PRDM15: variants seen among roughly 807,000 people sequenced by gnomAD.
The protein encoded by PRDM15 is PR domain zinc finger protein 15.
Under a neutral mutation model 128.6 loss-of-function variants are expected in PRDM15, and 64 were observed. That is an observed-to-expected ratio of 0.50 (90% CI 0.41 to 0.61). The LOEUF (loss-of-function observed/expected upper bound fraction) is 0.61. Ranked by LOEUF, PRDM15 falls within the 20% of genes least tolerant of loss-of-function variation. The pLI, the probability that PRDM15 is intolerant of heterozygous loss-of-function variation, is 0.00. For missense variants in PRDM15, 1,242 were observed against 1,569.1 expected (o/e 0.79, Z 3.52); for synonymous variants, 615 against 621.8 (o/e 0.99, Z 0.16).
chr21:41,850,961 G>T, intron 5 of PRDM15, among the ~76,000 whole-genome samples: 1 of 152,274 alleles, frequency 6.6e-6, no homozygotes, highest in South Asian at 2.1e-4. Context: ...TGAGTCTTAG[G>T]ATCTCTCACG....
At chr21:41,848,736 A>T (rs6586292) in intron 5 of PRDM15, among the ~76,000 whole-genome samples, 1 of 152,206 alleles carries the variant, frequency 6.6e-6, no homozygotes, top group Admixed American at 6.5e-5. Flanking sequence ...ACACCCCCAC[A>T]AGTGTGGGTT....
Position 41,821,310 on chromosome 21 carries a change from A to C in PRDM15, c.1897-80T>G. ...CTTAGCTAATGAGGTCGTGTCCACA[A>C]ACCAGGGCACCCGACACGCCCTGAG... On this transcript the variant is annotated intron_variant, in intron 15 of 23. Transcript: ENST00000398548. This position sits in a 1 kb window ranked among gnomAD's most constrained non-coding sequence, Gnocchi z 5.4. 1.3e-6 allele frequency: 2 copies of C among 1,538,622 alleles called. No homozygotes were observed. The highest frequency in any genetic ancestry group is 1.7e-5 in the Admixed American group (1 of 57,660).
rs139054091 is a variant in PRDM15 at position 41,839,738 on chromosome 21, G to C, written c.756C>G (p.Pro252=). 1.1e-5 allele frequency: 17 copies of C among 1,614,068 alleles called. No homozygotes were observed. Among genetic ancestry groups the C allele is most frequent in the Non-Finnish European group, 1.4e-5 (17 of 1,180,042 alleles). ...DTPRGEPPAV[P]ESENVATKEQ... ...CTTTGGTGGCAACATTCTCGCTCTC[G>C]GGCACTGCAGGGGGTTCCCCCCGGG... Residue 252 remains proline (P), a synonymous_variant, in exon 7 of 24, where the codon CCC becomes CCG. Transcript: ENST00000398548.
chr21:41,822,760 C>T (rs2062324307), intron 14 of PRDM15, among the ~76,000 whole-genome samples: 1 of 152,132 alleles, frequency 6.6e-6, no homozygotes, highest in African/African-American at 2.4e-5. Flanking sequence ...TGGGGTGGGG[C>T]ATGGTGGCTC....
At chr21:41,847,034 A>G in intron 6 of PRDM15, 56 bp downstream of exon 6, 1 of 1,184,032 alleles carries the variant, frequency 8.4e-7, no homozygotes, top group South Asian at 1.3e-5. Context: ...AGCGTAAGTC[A>G]GAGAGAAATC....
chr21:41,823,090 T>A, intron 14 of PRDM15: 1 of 530,444 alleles, frequency 1.9e-6, no homozygotes, highest in Non-Finnish European at 3.5e-6. Context: ...CCTACCCTTC[T>A]ACCATGTGAG....
chr21:41,840,620 G>C (rs1433997377), intron 6 of PRDM15, among the ~76,000 whole-genome samples: 1 of 151,814 alleles, frequency 6.6e-6, no homozygotes, highest in Non-Finnish European at 1.5e-5. Context: ...AACAACAAAA[G>C]CAAGAAAAGT....
intron 5 of PRDM15, among the ~76,000 whole-genome samples, chr21:41,851,948 G>A (rs1049186531): frequency 4.6e-5 from 7 of 152,288 alleles, no homozygotes; most frequent in African/African-American, 1.2e-4. Flanking sequence ...GTGACCATAC[G>A]TTCCCATTTA....
At position 41,805,474 on chromosome 21, in the gene PRDM15, G is replaced by A. The variant is rs78341719; in HGVS notation, c.2653-860C>T. Among the ~76,000 whole-genome samples, 366 of 152,274 alleles carry A rather than the reference G, an allele frequency of 2.4e-3. 3 individuals carry two copies. Among genetic ancestry groups the A allele is most frequent in the African/African-American group, 8.5e-3 (354 of 41,532 alleles). ...TGGATGTAACTCATTTAAAAAAGGA[G>A]AGAAGTGCATCATTAAATTTACATT... is the stretch of plus-strand genomic sequence containing the variant. On this transcript the variant is annotated intron_variant, in intron 21 of 23. Coordinates refer to ENST00000398548, the MANE Select transcript of PRDM15 (RefSeq NM_001040424.3).
At chr21:41,837,184 C>T (rs1055650455) in intron 8 of PRDM15, among the ~76,000 whole-genome samples, 3 of 152,212 alleles carry the variant, frequency 2.0e-5, no homozygotes, top group Non-Finnish European at 2.9e-5. Flanking sequence ...CACCAACTTA[C>T]TCAACTCCAT....
chr21:41,806,501 CCATCACCAT>C (rs2061649483), intron 21 of PRDM15, among the ~76,000 whole-genome samples: 1 of 65,342 alleles, frequency 1.5e-5, no homozygotes, highest in African/African-American at 7.9e-5. Context: ...ACCATCACCA[CCATCACCAT>C]CACCACCACC....
intron 18 of PRDM15, among the ~76,000 whole-genome samples, chr21:41,816,100 C>T (rs922191957): frequency 6.6e-6 from 1 of 152,250 alleles, no homozygotes; most frequent in Non-Finnish European, 1.5e-5. Flanking sequence ...CGAGCAACGC[C>T]GGGGCGGTGG....
At chr21:41,870,721 T>G (rs1030809735) in intron 1 of PRDM15, 1 of 152,198 alleles carries the variant, frequency 6.6e-6, no homozygotes, top group Admixed American at 6.5e-5. Flanking sequence ...CCGAATTTAT[T>G]TGGGCAAAGA....
At chr21:41,861,535 C>A (rs774238158) in intron 1 of PRDM15, 43 of 1,347,206 alleles carry the variant, frequency 3.2e-5, no homozygotes, top group Non-Finnish European at 4.3e-5. Context: ...TCCTCCTCTG[C>A]CCCCCCCCAA....
chr21:41,860,665 C>T (rs1245365446), intron 1 of PRDM15, among the ~76,000 whole-genome samples: 1 of 152,174 alleles, frequency 6.6e-6, no homozygotes, highest in Non-Finnish European at 1.5e-5. Context: ...TTGTGATCCG[C>T]CTGCCTCGGC....
chr21:41,806,000 C>CCACCATCACCACCAT (rs2061559938), intron 21 of PRDM15, among the ~76,000 whole-genome samples: 1 of 76,194 alleles, frequency 1.3e-5, no homozygotes, highest in Non-Finnish European at 2.7e-5. Context: ...ACCACCACCA[C>CCACCATCACCACCAT]CACCATCACC....
Position 41,854,935 on chromosome 21 carries a change from A to G in PRDM15, c.286-117T>C. The G allele has an allele frequency of 1.7e-6, 2 of 1,145,564 alleles. No individual in the cohort carries two copies. The highest frequency in any genetic ancestry group is 2.4e-6 in the Non-Finnish European group (2 of 823,336). 71.0% of individuals were successfully genotyped at this position (1,145,564 alleles called of 1,614,324 possible). On this transcript the variant is annotated intron_variant, in intron 4 of 23. Coordinates refer to ENST00000398548, the MANE Select transcript of PRDM15 (RefSeq NM_001040424.3). The surrounding 1 kb of genome is among the most constrained non-coding windows in gnomAD (Gnocchi z 4.6). Reference sequence around the variant, plus strand: ...TCTAGACAGTGCCACGTCAGAGGCCATAAGGGCTCCTGTACGGGATGTTGA... The same window carrying G: ...TCTAGACAGTGCCACGTCAGAGGCCGTAAGGGCTCCTGTACGGGATGTTGA...
At chr21:41,876,814 A>G (rs1015324798) in intron 1 of PRDM15, among the ~76,000 whole-genome samples, 2 of 152,146 alleles carry the variant, frequency 1.3e-5, no homozygotes, top group Non-Finnish European at 2.9e-5. Context: ...CTCTGGAACT[A>G]GGCTCTGTCC....
At chr21:41,835,271 G>C (rs1432069091) in intron 11 of PRDM15, among the ~76,000 whole-genome samples, 166 bp downstream of exon 11, 1 of 152,170 alleles carries the variant, frequency 6.6e-6, no homozygotes, top group Non-Finnish European at 1.5e-5. Context: ...TGTATCTTTA[G>C]GGTAACAACT....
Sources: allele counts gnomAD v4.1 joint callset (sites outside exome capture counted in the v4.1 genomes callset), GRCh38; gene constraint gnomAD v4.1.1; non-coding constraint Gnocchi (gnomAD v3.1); transcripts MANE v1.5; gene names NCBI Gene and HGNC (gene_info 2026-07-23, HGNC 2026-07-21).